The following ANKHD1 variants were observed in gnomAD, a reference collection of about 807,000 sequenced individuals.
ANKHD1 encodes ankyrin repeat and KH domain-containing protein 1.
ANKHD1 carries 31 observed loss-of-function variants against 230.5 expected under a neutral mutation model. The observed-to-expected ratio is 0.13, with a 90% CI of 0.10 to 0.18. The LOEUF (loss-of-function observed/expected upper bound fraction) is 0.18. ANKHD1 is among the 10% of genes least tolerant of loss of function. The pLI is 1.00. For synonymous variants in ANKHD1, 1,074 were observed against 1,117.6 expected, an observed-to-expected ratio of 0.96 and a Z score of 0.78; for missense variants, 2,256 against 3,071.3, an observed-to-expected ratio of 0.73 and a Z score of 6.27.
chr5:140,407,904 C>T (rs757939629), intron 1 of ANKHD1, among the ~76,000 whole-genome samples: 17 of 152,146 alleles, frequency 1.1e-4, no homozygotes, highest in African/African-American at 3.1e-4. Context: ...TGGCCGGGCG[C>T]GGTGGCTCAC....
intron 1 of ANKHD1, among the ~76,000 whole-genome samples, chr5:140,425,569 T>C (rs1772341956): frequency 7.0e-6 from 1 of 143,476 alleles, no homozygotes; most frequent in African/African-American, 2.5e-5. Flanking sequence ...TCTTTTCTGT[T>C]TTTTGAGAAG....
chr5:140,471,193 A>G (rs546442591), intron 10 of ANKHD1, among the ~76,000 whole-genome samples: 1 of 152,154 alleles, frequency 6.6e-6, no homozygotes, highest in Non-Finnish European at 1.5e-5. Flanking sequence ...CTCAATCTGT[A>G]TTTAGTTTCT....
At chr5:140,429,179 C>T (rs547163383) in intron 1 of ANKHD1, among the ~76,000 whole-genome samples, 5 of 150,658 alleles carry the variant, frequency 3.3e-5, no homozygotes, top group Admixed American at 6.6e-5. Context: ...CTCTAACCTC[C>T]ACCTCCCAGG....
intron 11 of ANKHD1, among the ~76,000 whole-genome samples, chr5:140,484,529 T>C (rs1384212896): frequency 6.6e-6 from 1 of 152,208 alleles, no homozygotes; most frequent in African/African-American, 2.4e-5. Context: ...TCTTAAACAT[T>C]GCTTAAAAAA....
At chr5:140,472,337 A>T (rs1412512386) in intron 10 of ANKHD1, 2 of 1,608,268 alleles carry the variant, frequency 1.2e-6, no homozygotes, top group African/African-American at 2.7e-5. Flanking sequence ...TACGTAAAGA[A>T]TAGATGTTGT....
chr5:140,434,804 T>C (rs1461824150), intron 1 of ANKHD1, among the ~76,000 whole-genome samples: 2 of 152,184 alleles, frequency 1.3e-5, no homozygotes, highest in Non-Finnish European at 2.9e-5. Context: ...TGTATTATAA[T>C]TTTTCCTCAT....
At chr5:140,521,186 T>C (rs975442530) in intron 24 of ANKHD1, among the ~76,000 whole-genome samples, 3 of 152,110 alleles carry the variant, frequency 2.0e-5, no homozygotes, top group African/African-American at 4.8e-5. Flanking sequence ...AGTATGATTA[T>C]TGAGAGATGC....
Position 140,509,675 on chromosome 5 carries a change from G to A in ANKHD1, c.3804G>A (p.Gly1268=). Reference sequence around the variant, plus strand: ...CCTTGATGGAAGCAGCTTCTGGAGGGTATGCAGAGGTTGGAAGAGTTCTTC... The same window carrying A: ...CCTTGATGGAAGCAGCTTCTGGAGGATATGCAGAGGTTGGAAGAGTTCTTC... ...LTPLMEAASG[G]YAEVGRVLLD... Residue 1268 remains glycine, a synonymous_variant, in exon 21 of 34, where the codon GGG becomes GGA. Transcript: ENST00000360839. The A allele has an allele frequency of 6.2e-7, 1 of 1,608,782 alleles. No homozygotes were observed. The highest frequency in any genetic ancestry group is 1.3e-5 in the African/African-American group (1 of 74,830).
At chr5:140,444,382 C>T (rs187868261) in intron 5 of ANKHD1, among the ~76,000 whole-genome samples, 20 of 152,132 alleles carry the variant, frequency 1.3e-4, no homozygotes, top group African/African-American at 4.1e-4. Flanking sequence ...CAGTAAGTTG[C>T]ACCTACTGCC....
At chr5:140,512,730 A>G in intron 22 of ANKHD1, 98 bp from the exon 23 acceptor site, 2 of 1,133,398 alleles carry the variant, frequency 1.8e-6, no homozygotes, top group Non-Finnish European at 2.5e-6. Context: ...AAATCAAGGG[A>G]TTCCTTTGTA....
Position 140,512,919 on chromosome 5 carries a change from A to T in ANKHD1, c.4196A>T (p.Asp1399Val). 4 of 1,592,360 alleles carry T rather than the reference A, an allele frequency of 2.5e-6. No homozygotes were observed. Among genetic ancestry groups the T allele is most frequent in the Non-Finnish European group, 3.4e-6 (4 of 1,173,116 alleles). ...ATGAGATACATAGCAACAATTACAG[A>T]TAAGGTAAGTTTAATATGCTACTGA... ...ECMRYIATIT[D>V]KELLKKCHQC... Residue 1399 changes from aspartate (D) to valine (V), a missense_variant, in exon 23 of 34, where the codon GAT becomes GTT. By Grantham distance (152) the Asp-to-Val change is radical. Coordinates refer to ENST00000360839, the MANE Select transcript of ANKHD1 (RefSeq NM_017747.3).
chr5:140,528,128 CTTTT>C, intron 28 of ANKHD1, 52 bp from the exon 29 acceptor site: 3 of 1,384,982 alleles, frequency 2.2e-6, no homozygotes, highest in Non-Finnish European at 2.9e-6. Context: ...TTAAGATTAC[CTTTT>C]TTTTTTTTTT....
At chr5:140,408,358 A>T (rs896473367) in intron 1 of ANKHD1, among the ~76,000 whole-genome samples, 7 of 152,142 alleles carry the variant, frequency 4.6e-5, no homozygotes, top group African/African-American at 1.7e-4. Flanking sequence ...TTCTAGGCCT[A>T]TCTTTCTATG....
rs1752547758 is a variant in ANKHD1 at position 140,506,646 on chromosome 5, ACT to A, written c.3409-186_3409-185del. Among the ~76,000 whole-genome samples the A allele has an allele frequency of 6.6e-6, 1 of 152,208 alleles. No homozygotes were observed. The highest frequency in any genetic ancestry group is 6.5e-5 in the Admixed American group (1 of 15,280). ...ATTGCAGTATAATTGGGATTTCAAA[ACT>A]CTGAATTCCTGAAATTGAATCCATT... On this transcript the variant is annotated intron_variant, in intron 18 of 33. Coordinates refer to ENST00000360839, the MANE Select transcript of ANKHD1 (RefSeq NM_017747.3). The surrounding 1 kb of genome is among the most constrained non-coding windows in gnomAD (Gnocchi z 4.7).
chr5:140,514,369 C>A (rs1434689482), intron 24 of ANKHD1, among the ~76,000 whole-genome samples: 1 of 151,550 alleles, frequency 6.6e-6, no homozygotes, highest in Non-Finnish European at 1.5e-5. Flanking sequence ...TGGCAGGTGC[C>A]TGTAGTCCCA....
chr5:140,526,144 G>C lies in ANKHD1; in HGVS notation c.4641G>C (p.Lys1547Asn). 1 of 1,613,542 alleles carries C rather than the reference G, an allele frequency of 6.2e-7. No individual in the cohort carries two copies. The highest frequency in any genetic ancestry group is 8.5e-7 in the Non-Finnish European group (1 of 1,179,914). ...CCAGCACCAATCGGAAAAATAAGAA[G>C]AACAAAACAAAAGAAACCCCTCCTA... is the stretch of plus-strand genomic sequence containing the variant. ...TTPSTNRKNK[K>N]NKTKETPPTA... is the part of the protein sequence containing the mutation. Residue 1547 changes from lysine to asparagine, a missense_variant, in exon 26 of 34, where the codon AAG (lysine) becomes AAC (asparagine). Around this residue, in one of 13 missense-constraint regions of ANKHD1, gnomAD observed 212 missense variants for 257.3 expected, o/e 0.82. Transcript: ENST00000360839.
intron 11 of ANKHD1, 128 bp from the exon 12 acceptor site, chr5:140,484,993 A>G: frequency 1.5e-6 from 2 of 1,360,908 alleles, no homozygotes; most frequent in Non-Finnish European, 1.9e-6. Flanking sequence ...AATTCAAACT[A>G]TACACTTAAT....
At chr5:140,432,656 T>G (rs1773134831) in intron 1 of ANKHD1, among the ~76,000 whole-genome samples, 1 of 152,186 alleles carries the variant, frequency 6.6e-6, no homozygotes, top group Non-Finnish European at 1.5e-5. Flanking sequence ...TCAAACTGTT[T>G]CCACAGTGGC....
intron 17 of ANKHD1, 67 bp from the exon 18 acceptor site, chr5:140,505,657 G>T: frequency 6.6e-7 from 1 of 1,525,692 alleles, no homozygotes; most frequent in Non-Finnish European, 8.7e-7. Flanking sequence ...CTAGAGAATT[G>T]TAAACAGTGG....
Sources: gnomAD v4.1 joint callset for allele counts (sites outside exome capture counted in the v4.1 genomes callset) on GRCh38, gnomAD v4.1.1 for gene constraint, gnomAD v4.1.1 regional missense constraint, Gnocchi (gnomAD v3.1) non-coding constraint, MANE v1.5 for transcripts, NCBI Gene and HGNC (gene_info 2026-07-23, HGNC 2026-07-21) for gene names.